Variants in PCCA observed in about 807,000 individuals in gnomAD.
PCCA encodes the protein propionyl-CoA carboxylase alpha chain, mitochondrial.
PCCA carries 74 observed loss-of-function variants against 101.3 expected under a neutral mutation model. That is an observed-to-expected ratio of 0.73 (90% confidence interval 0.61 to 0.89). PCCA has a LOEUF of 0.89. PCCA is among the 40% of genes least tolerant of loss of function. PCCA has a pLI of 0.00. For missense variants in PCCA, 891 were observed against 907.0 expected (o/e 0.98, Z 0.23); for synonymous variants, 294 against 313.6 (o/e 0.94, Z 0.66).
intron 16 of PCCA, among the ~76,000 whole-genome samples, chr13:100,329,329 A>G (rs1353603518): frequency 6.6e-6 from 1 of 152,170 alleles, no homozygotes; most frequent in African/African-American, 2.4e-5. Flanking sequence ...CAACATCAGC[A>G]GCGCGTTTGG....
chr13:100,493,480 C>G (rs546196643), intron 21 of PCCA, among the ~76,000 whole-genome samples: 7 of 152,294 alleles, frequency 4.6e-5, no homozygotes, highest in Non-Finnish European at 7.4e-5. Flanking sequence ...GAGCTCCACA[C>G]CAAGAAGAGA....
intron 6 of PCCA, among the ~76,000 whole-genome samples, chr13:100,163,314 G>C (rs1429615061): frequency 2.6e-5 from 4 of 152,156 alleles, no homozygotes; most frequent in African/African-American, 9.7e-5. Context: ...TCATTCTGGA[G>C]TCAGAATGAC....
intron 16 of PCCA, among the ~76,000 whole-genome samples, chr13:100,327,346 C>CT (rs150519057): frequency 0.032 from 4,865 of 152,078 alleles, 130 homozygotes; most frequent in Middle Eastern, 0.068. Flanking sequence ...TTTGGTCTTG[C>CT]TTTTTTAACT....
intron 4 of PCCA, chr13:100,149,721 T>C (rs2053058298): frequency 6.6e-6 from 1 of 152,210 alleles, no homozygotes; most frequent in Non-Finnish European, 1.5e-5. Context: ...TAGTGTCCAC[T>C]TCATTACAGA....
At chr13:100,489,166 G>C (rs1040519666) in intron 21 of PCCA, among the ~76,000 whole-genome samples, 1 of 152,062 alleles carries the variant, frequency 6.6e-6, no homozygotes, top group African/African-American at 2.4e-5. Flanking sequence ...AAATTAGCCA[G>C]GCGTGGTGGC....
At chr13:100,094,221 T>A (rs2046554908) in intron 1 of PCCA, among the ~76,000 whole-genome samples, 1 of 107,670 alleles carries the variant, frequency 9.3e-6, no homozygotes. Flanking sequence ...AGAGCGAAAA[T>A]CTGTCTCAAA....
At chr13:100,462,512 T>C (rs1297355) in intron 21 of PCCA, among the ~76,000 whole-genome samples, 91,163 of 151,990 alleles carry the variant, frequency 0.6, 28,188 homozygotes, top group East Asian at 0.83. Flanking sequence ...TGCATAGGCT[T>C]ATATAGTAGC....
chr13:100,525,235 G>C (rs1409103379), intron 22 of PCCA, among the ~76,000 whole-genome samples: 25 of 152,170 alleles, frequency 1.6e-4, no homozygotes, highest in Admixed American at 1.6e-3. Context: ...CCTTTGAATT[G>C]AATTGCCGGA....
chr13:100,321,929 T>C (rs9513748), intron 16 of PCCA, among the ~76,000 whole-genome samples: 45,600 of 151,926 alleles, frequency 0.3, 8,249 homozygotes, highest in Middle Eastern at 0.46. Flanking sequence ...TGGGAGGGTA[T>C]ACATGTTAAG....
chr13:100,495,217 A>G (rs1323345134), intron 21 of PCCA, among the ~76,000 whole-genome samples: 1 of 152,086 alleles, frequency 6.6e-6, no homozygotes, highest in East Asian at 1.9e-4. Context: ...CTGTTGGGAA[A>G]CTTGTCCACA....
intron 21 of PCCA, among the ~76,000 whole-genome samples, chr13:100,513,346 C>A (rs1383570930): frequency 1.3e-5 from 2 of 152,166 alleles, no homozygotes; most frequent in African/African-American, 2.4e-5. Context: ...GTCACTTATC[C>A]CCCAAACAGA....
At chr13:100,521,066 A>T (rs2153002423) in intron 22 of PCCA, among the ~76,000 whole-genome samples, 1 of 152,320 alleles carries the variant, frequency 6.6e-6, no homozygotes, top group African/African-American at 2.4e-5. Context: ...TTCCAAAGGT[A>T]TTGTGAATGA....
intron 19 of PCCA, among the ~76,000 whole-genome samples, chr13:100,396,415 C>A (rs2077048037): frequency 6.6e-6 from 1 of 152,090 alleles, no homozygotes; most frequent in African/African-American, 2.4e-5. Context: ...AATAAGCACC[C>A]CAGAAATGAT....
chr13:100,511,239 T>C (rs2086455486), intron 21 of PCCA, among the ~76,000 whole-genome samples: 1 of 152,220 alleles, frequency 6.6e-6, no homozygotes, highest in Admixed American at 6.5e-5. Flanking sequence ...GATGCATCAT[T>C]TTTGCATTTC....
intron 20 of PCCA, 83 bp downstream of exon 20, chr13:100,425,814 A>G: frequency 2.3e-6 from 2 of 873,388 alleles, no homozygotes; most frequent in African/African-American, 1.6e-5. Flanking sequence ...ACTTAGAGCT[A>G]TAGGAGGGAA....
At chr13:100,135,305 T>G (rs990418181) in intron 4 of PCCA, among the ~76,000 whole-genome samples, 4 of 151,842 alleles carry the variant, frequency 2.6e-5, no homozygotes, top group African/African-American at 9.7e-5. Flanking sequence ...GAGGGAGAAT[T>G]GCTTGAGCCC....
At chr13:100,502,086 T>A (rs1028061920) in intron 21 of PCCA, among the ~76,000 whole-genome samples, 1 of 152,176 alleles carries the variant, frequency 6.6e-6, no homozygotes, top group Non-Finnish European at 1.5e-5. Flanking sequence ...CCACTGACTA[T>A]AATTTAGTGC....
intron 21 of PCCA, among the ~76,000 whole-genome samples, chr13:100,461,877 A>G (rs1424142691): frequency 6.6e-6 from 1 of 152,216 alleles, no homozygotes; most frequent in Non-Finnish European, 1.5e-5. Flanking sequence ...ACGGATAGAA[A>G]GTATCTGGCA....
intron 6 of PCCA, among the ~76,000 whole-genome samples, chr13:100,191,116 C>T (rs2057714608): frequency 6.6e-6 from 1 of 152,110 alleles, no homozygotes; most frequent in African/African-American, 2.4e-5. Context: ...AAAACGCCCT[C>T]CTCAAATCAG....
Sources: gnomAD v4.1 joint callset for allele counts (sites outside exome capture counted in the v4.1 genomes callset) on GRCh38, gnomAD v4.1.1 for gene constraint, MANE v1.5 for transcripts, NCBI Gene and HGNC (gene_info 2026-07-23, HGNC 2026-07-21) for gene names.